The following LPXN variants were observed in gnomAD, a reference collection of about 807,000 sequenced individuals.
The protein encoded by LPXN is leupaxin.
LPXN carries 28 observed loss-of-function variants against 45.6 expected under a neutral mutation model. The observed-to-expected ratio is 0.61, with a 90% CI of 0.45 to 0.84. LPXN has a LOEUF of 0.84. Ranked by LOEUF, LPXN falls within the 40% of genes least tolerant of loss-of-function variation. The pLI, the probability that LPXN is intolerant of heterozygous loss-of-function variation, is 0.00. For synonymous variants in LPXN, 166 were observed against 169.9 expected (o/e 0.98, Z 0.18); for missense variants, 459 against 475.0 (o/e 0.97, Z 0.31).
intron 3 of LPXN, among the ~76,000 whole-genome samples, chr11:58,556,526 G>C (rs1854209204): frequency 1.3e-5 from 2 of 151,882 alleles, no homozygotes; most frequent in African/African-American, 4.8e-5. Context: ...ACATTTAAAA[G>C]TAAAATAAGA....
At chr11:58,578,169 GAA>G (rs1274825420), upstream of LPXN, 2 of 1,319,824 alleles carry the variant, frequency 1.5e-6, no homozygotes, top group Non-Finnish European at 2.0e-6. Context: ...GAAAAAGTAG[GAA>G]AAACCCTCCC....
chr11:58,566,781 C>T (rs748655461), intron 2 of LPXN, among the ~76,000 whole-genome samples: 5 of 152,112 alleles, frequency 3.3e-5, no homozygotes, highest in Non-Finnish European at 5.9e-5. Context: ...ATTCAGTAAT[C>T]GATTAAAAAT....
chr11:58,558,001 A>C (rs757612619), intron 3 of LPXN, among the ~76,000 whole-genome samples: 3 of 152,094 alleles, frequency 2.0e-5, no homozygotes, highest in Non-Finnish European at 2.9e-5. Flanking sequence ...AGAACACTCA[A>C]GACAATTTTG....
chr11:58,575,128 T>C (rs1854841858), intron 1 of LPXN, among the ~76,000 whole-genome samples: 1 of 152,214 alleles, frequency 6.6e-6, no homozygotes, highest in Non-Finnish European at 1.5e-5. Flanking sequence ...CTGCTGGTTT[T>C]AATTGTCTTA....
intron 2 of LPXN, among the ~76,000 whole-genome samples, chr11:58,567,489 A>C (rs921431468): frequency 2.6e-5 from 4 of 152,230 alleles, no homozygotes; most frequent in Non-Finnish European, 5.9e-5. Context: ...TTACCAGTTT[A>C]CTTACAAGTA....
rs749048525 is a variant in LPXN, at chr11:58,527,730, TAG to T, written c.892-9_892-8del. The T allele has an allele frequency of 5.6e-6, 9 of 1,610,958 alleles. No individual in the cohort carries two copies. In the South Asian group the frequency reaches 8.8e-5, roughly 16 times the overall value. ...AAAAACTGGTGAAGCAGTCCTGGGG[TAG>T]AGAGAAGAGAGAGAAAAAGAATGCA... On this transcript the variant is annotated splice_polypyrimidine_tract_variant and splice_region_variant and intron_variant, in intron 8 of 8. Transcript: ENST00000395074.
At position 58,529,695 on chromosome 11, in the gene LPXN, A is replaced by T. The variant is rs571107871; in HGVS notation, c.743-1504T>A. Among the ~76,000 whole-genome samples, 4 of 152,288 alleles carry T rather than the reference A, an allele frequency of 2.6e-5. No individual in the cohort carries two copies. In the South Asian group the frequency reaches 6.2e-4, roughly 24 times the overall value. On this transcript the variant is annotated intron_variant, in intron 7 of 8. Coordinates refer to ENST00000395074, the MANE Select transcript of LPXN (RefSeq NM_004811.3). ...TCAAATTGAAGAAAATTAACTGTAT[A>T]TCAAACTGATGACATGAGCAATAAA...
chr11:58,564,607 T>C (rs1854474959), intron 2 of LPXN, among the ~76,000 whole-genome samples: 1 of 152,130 alleles, frequency 6.6e-6, no homozygotes, highest in Non-Finnish European at 1.5e-5. Flanking sequence ...ATCTAAAAGA[T>C]GGTTGGCTGG....
At chr11:58,548,986 G>A (rs1853956119) in intron 7 of LPXN, among the ~76,000 whole-genome samples, 1 of 152,184 alleles carries the variant, frequency 6.6e-6, no homozygotes, top group Non-Finnish European at 1.5e-5. Flanking sequence ...TATGTTAGGA[G>A]TGAGTGGGGT....
chr11:58,541,050 A>C (rs948644668), intron 7 of LPXN, among the ~76,000 whole-genome samples: 10 of 152,208 alleles, frequency 6.6e-5, no homozygotes, highest in African/African-American at 2.4e-4. Flanking sequence ...AAGATGGATT[A>C]AAGACTTACA....
intron 3 of LPXN, among the ~76,000 whole-genome samples, chr11:58,562,997 T>A (rs1440375676): frequency 2.6e-5 from 4 of 152,052 alleles, no homozygotes; most frequent in Admixed American, 1.3e-4. Flanking sequence ...AGGCCCATAC[T>A]ATGAGGAAGA....
rs1853281722 is a variant in LPXN, at chr11:58,528,113, T to C, written c.821A>G (p.Asn274Ser). The stretch of plus-strand genomic sequence containing the variant: ...AAGGTAGTTTTCCAACACTGGGCGA[T>C]TGCAGCCACCACACTTGGGTGAGAA... ...AMFSPKCGGC[N>S]RPVLENYLSA... The change falls in exon 8 of 9, where the codon AAT (asparagine) becomes AGT (serine). Residue 274 changes from asparagine (N) to serine (S), a missense_variant. Asn to Ser is a conservative substitution (Grantham distance 46, BLOSUM62 1). Transcript: ENST00000395074. 1.2e-6 allele frequency: 2 copies of C among 1,614,220 alleles called. No individual in the cohort carries two copies. Among genetic ancestry groups the C allele is most frequent in the East Asian group, 2.2e-5 (1 of 44,870 alleles).
At chr11:58,578,633 G>A (rs1230609151), upstream of LPXN, among the ~76,000 whole-genome samples, 1 of 152,210 alleles carries the variant, frequency 6.6e-6, no homozygotes, top group Non-Finnish European at 1.5e-5. Context: ...GTGGGGTAGG[G>A]TGGAGGCGGA....
At chr11:58,575,182 C>T (rs550725049) in intron 1 of LPXN, among the ~76,000 whole-genome samples, 1 of 152,296 alleles carries the variant, frequency 6.6e-6, no homozygotes, top group African/African-American at 2.4e-5. Context: ...GTAATCTCTT[C>T]CTTCAGAATT....
At chr11:58,558,540 C>T (rs1394599714) in intron 3 of LPXN, among the ~76,000 whole-genome samples, 1 of 48,002 alleles carries the variant, frequency 2.1e-5, no homozygotes, top group Non-Finnish European at 4.2e-5. Context: ...GAGACCCTGT[C>T]AAAAAAAAAA....
chr11:58,570,014 T>C (rs903583209), intron 2 of LPXN, among the ~76,000 whole-genome samples: 1 of 152,016 alleles, frequency 6.6e-6, no homozygotes, highest in Non-Finnish European at 1.5e-5. Context: ...AGAAAAAATG[T>C]AGTTCTCGGC....
chr11:58,562,221 A>G (rs1393932394), intron 3 of LPXN, among the ~76,000 whole-genome samples: 1 of 152,250 alleles, frequency 6.6e-6, no homozygotes, highest in Non-Finnish European at 1.5e-5. Context: ...ATATATAACT[A>G]TACTAGAAAT....
intron 7 of LPXN, among the ~76,000 whole-genome samples, chr11:58,549,579 C>A (rs1853977242): frequency 6.6e-6 from 1 of 152,030 alleles, no homozygotes; most frequent in Admixed American, 6.5e-5. Context: ...TTAAACTATG[C>A]ATTTGTATTT....
rs183548219 is a variant in LPXN, at chr11:58,547,612, G to A, written c.742+2174C>T. On this transcript the variant is annotated intron_variant, in intron 7 of 8. Transcript: ENST00000395074. ...GGGTGAGGGTGGTAGATAACAAAGC[G>A]AGGTCAGGAGAGAGGAAAGGCCATA... Among the ~76,000 whole-genome samples the A allele has an allele frequency of 9.9e-5, 15 of 152,250 alleles. No individual in the cohort carries two copies. In the South Asian group the frequency reaches 2.3e-3, roughly 23 times the overall value.
Sources: gnomAD v4.1 joint callset for allele counts (sites outside exome capture counted in the v4.1 genomes callset) on GRCh38, gnomAD v4.1.1 for gene constraint, MANE v1.5 for transcripts, NCBI Gene and HGNC (gene_info 2026-07-23, HGNC 2026-07-21) for gene names.